Variants in TBC1D32 observed in about 807,000 individuals in gnomAD.
TBC1D32 encodes the protein TBC1 domain family member 32, also known as protein broad-minded.
Under a neutral mutation model 170.3 loss-of-function variants are expected in TBC1D32, and 151 were observed. That is an observed-to-expected ratio of 0.89 (90% CI 0.78 to 1.01). TBC1D32 has a LOEUF of 1.01. Ranked by LOEUF, TBC1D32 falls within the 50% of genes least tolerant of loss-of-function variation. TBC1D32 has a pLI of 0.00. For missense variants in TBC1D32, 1,464 were observed against 1,457.1 expected (o/e 1.00, Z -0.08); for synonymous variants, 498 against 488.0 (o/e 1.02, Z -0.27).
intron 15 of TBC1D32, among the ~76,000 whole-genome samples, chr6:121,269,446 A>C (rs576780353): frequency 1.3e-5 from 1 of 74,260 alleles, no homozygotes; most frequent in South Asian, 7.7e-4. Context: ...AACAAAAAAA[A>C]GCAGGGGTTG....
chr6:121,307,828 C>T (rs1807563500), intron 5 of TBC1D32, 148 bp downstream of exon 5: 1 of 857,358 alleles, frequency 1.2e-6, no homozygotes, highest in Non-Finnish European at 1.7e-6. Context: ...TACCAGTGCA[C>T]TCCAGCCTGG....
chr6:121,307,443 C>T (rs897390642), intron 5 of TBC1D32, among the ~76,000 whole-genome samples: 3 of 152,010 alleles, frequency 2.0e-5, no homozygotes, highest in Non-Finnish European at 4.4e-5. Flanking sequence ...CACAAGGTAG[C>T]AGTGTATTAT....
chr6:121,212,446 A>ATC (rs199708938), intron 21 of TBC1D32, among the ~76,000 whole-genome samples: 5 of 134,976 alleles, frequency 3.7e-5, no homozygotes, highest in African/African-American at 1.4e-4. Flanking sequence ...TCAGGTCAAT[A>ATC]TCTCTTTTTT....
intron 21 of TBC1D32, among the ~76,000 whole-genome samples, chr6:121,207,169 G>C (rs1459533984): frequency 1.3e-5 from 2 of 152,084 alleles, no homozygotes; most frequent in Non-Finnish European, 2.9e-5. Context: ...GAATTGATTA[G>C]GAATCATTAT....
At chr6:121,255,469 T>TTTTATAATTATATTTATAATTATAC in intron 16 of TBC1D32, 59 bp from the exon 17 acceptor site, 1 of 392,972 alleles carries the variant, frequency 2.5e-6, no homozygotes, top group East Asian at 7.0e-5. Context: ...TATATTTATA[T>TTTTATAATTATATTTATAATTATAC]TTTATAATTA....
intron 17 of TBC1D32, among the ~76,000 whole-genome samples, chr6:121,252,372 A>G (rs1434211518): frequency 6.6e-6 from 1 of 152,200 alleles, no homozygotes; most frequent in African/African-American, 2.4e-5. Flanking sequence ...TGGCACATAC[A>G]CAACATGAAA....
chr6:121,194,740 A>G (rs900897297), intron 22 of TBC1D32, among the ~76,000 whole-genome samples: 19 of 152,208 alleles, frequency 1.2e-4, no homozygotes, highest in African/African-American at 4.3e-4. Flanking sequence ...CCCACCTCAG[A>G]GGTATATCTC....
intron 11 of TBC1D32, among the ~76,000 whole-genome samples, chr6:121,294,337 A>G (rs1805299131): frequency 6.6e-6 from 1 of 152,176 alleles, no homozygotes; most frequent in Non-Finnish European, 1.5e-5. Flanking sequence ...AAAGAACTGC[A>G]TCTAATAAGA....
At chr6:121,216,864 A>G (rs1286492058) in intron 21 of TBC1D32, among the ~76,000 whole-genome samples, 1 of 152,242 alleles carries the variant, frequency 6.6e-6, no homozygotes, top group Non-Finnish European at 1.5e-5. Context: ...AAATTGTGGC[A>G]GAACCCCCAC....
chr6:121,115,087 G>A, intron 27 of TBC1D32, 85 bp downstream of exon 27: 1 of 1,002,834 alleles, frequency 1.0e-6, no homozygotes, highest in Non-Finnish European at 1.4e-6. Context: ...ATAGTTGGTT[G>A]TTAAATTAAA....
chr6:121,319,686 G>T (rs148373276), intron 2 of TBC1D32, among the ~76,000 whole-genome samples: 1 of 152,118 alleles, frequency 6.6e-6, no homozygotes, highest in Non-Finnish European at 1.5e-5. Flanking sequence ...GAACATGAAT[G>T]TTTCCAACAG....
intron 30 of TBC1D32, among the ~76,000 whole-genome samples, chr6:121,091,587 AT>A (rs1318052747): frequency 2.6e-5 from 4 of 152,224 alleles, no homozygotes; most frequent in Non-Finnish European, 5.9e-5. Flanking sequence ...TACAAAAGGA[AT>A]TTTTTTTCCT....
intron 1 of TBC1D32, among the ~76,000 whole-genome samples, chr6:121,333,805 G>A (rs1451276960): frequency 5.9e-5 from 9 of 151,978 alleles, no homozygotes; most frequent in African/African-American, 1.9e-4. Flanking sequence ...GGTGGCTCAC[G>A]CCTGTGATCC....
chr6:121,162,921 G>A (rs1785956910), intron 22 of TBC1D32: 1 of 115,524 alleles, frequency 8.7e-6, no homozygotes, highest in African/African-American at 3.0e-5. Flanking sequence ...GAAGCGCAAG[G>A]GGTCAGGGAG....
At chr6:121,184,920 GC>G (rs1197335533) in intron 22 of TBC1D32, among the ~76,000 whole-genome samples, 1 of 152,034 alleles carries the variant, frequency 6.6e-6, no homozygotes, top group Non-Finnish European at 1.5e-5. Flanking sequence ...GGATTATTTT[GC>G]CTCCTTTGCA....
intron 5 of TBC1D32, among the ~76,000 whole-genome samples, 184 bp from the exon 6 acceptor site, chr6:121,305,017 C>T (rs11968501): frequency 6.6e-6 from 1 of 151,888 alleles, no homozygotes; most frequent in Non-Finnish European, 1.5e-5. Flanking sequence ...TAAAACTGAC[C>T]AAAACTAATA....
At chr6:121,262,041 T>C (rs2128407288) in intron 15 of TBC1D32, among the ~76,000 whole-genome samples, 1 of 152,298 alleles carries the variant, frequency 6.6e-6, no homozygotes, top group Admixed American at 6.5e-5. Flanking sequence ...TACCAGTGTT[T>C]GAAGACTATC....
chr6:121,323,591 C>T (rs1810051377), intron 1 of TBC1D32, among the ~76,000 whole-genome samples: 1 of 152,124 alleles, frequency 6.6e-6, no homozygotes, highest in South Asian at 2.1e-4. Context: ...TCTACTTAAA[C>T]GAGGCTACAT....
intron 31 of TBC1D32, among the ~76,000 whole-genome samples, chr6:121,084,807 T>C (rs1303137994): frequency 6.6e-6 from 1 of 152,136 alleles, no homozygotes; most frequent in Non-Finnish European, 1.5e-5. Flanking sequence ...TCAAGTGTGC[T>C]AACATGGTAT....
Sources: allele counts gnomAD v4.1 joint callset (sites outside exome capture counted in the v4.1 genomes callset), GRCh38; gene constraint gnomAD v4.1.1; transcripts MANE v1.5; gene names NCBI Gene and HGNC (gene_info 2026-07-23, HGNC 2026-07-21).